Variants in CBARP observed in about 807,000 individuals in gnomAD.
CBARP encodes voltage-dependent calcium channel beta subunit-associated regulatory protein.
A neutral mutation model predicts 36.3 loss-of-function variants in CBARP; 24 were observed. The observed-to-expected ratio is 0.66, with a 90% CI of 0.48 to 0.93. The LOEUF is 0.93. Among genes scored for constraint, CBARP ranks in the 40% least tolerant of loss-of-function variants. The pLI is 0.00. For missense variants in CBARP, 1,146 were observed against 980.4 expected, an observed-to-expected ratio of 1.17 and a Z score of -2.26; for synonymous variants, 586 against 453.2, an observed-to-expected ratio of 1.29 and a Z score of -3.72.
At chr19:1,236,815 A>G (rs1283045170) in intron 1 of CBARP, among the ~76,000 whole-genome samples, 1 of 69,108 alleles carries the variant, frequency 1.4e-5, no homozygotes, top group Admixed American at 2.0e-4. Context: ...GCGGGTTGCC[A>G]GGGAGCGGCG....
At position 1,228,883 on chromosome 19, in the gene CBARP, C is replaced by T. The variant is rs2080852223; in HGVS notation, c.*296G>A. On this transcript the variant is annotated 3_prime_UTR_variant, in exon 10 of 10. Transcript: ENST00000650044. ...TCCTCAGGAGCCCGAAGCTGAGAGC[C>T]GTTCACGCCCCTTCCTTCCCGCCCA... is the stretch of plus-strand genomic sequence containing the variant. 2.0e-5 allele frequency: 3 copies of T among 147,770 alleles called. No homozygotes were observed. Among genetic ancestry groups the T allele is most frequent in the Admixed American group, 1.3e-4 (2 of 14,874 alleles). 9.2% of individuals were successfully genotyped at this position (147,770 alleles called of 1,614,324 possible). A position where few individuals can be genotyped will look rare whatever the true frequency, so the allele number is the denominator to read the frequency against.
rs774067812 is a variant in CBARP at position 1,229,255 on chromosome 19, C to T, written c.2042G>A (p.Arg681His). 49 of 1,244,174 alleles carry T rather than the reference C, an allele frequency of 3.9e-5. No homozygotes were observed. The highest frequency in any genetic ancestry group is 2.3e-4 in the Middle Eastern group (1 of 4,374). 77.1% of individuals were successfully genotyped at this position (1,244,174 alleles called of 1,614,324 possible). A position where few individuals can be genotyped will look rare whatever the true frequency, so the allele number is the denominator to read the frequency against. Residue 681 changes from arginine to histidine, a missense_variant, in exon 10 of 10, where the codon CGC becomes CAC. Coordinates refer to ENST00000650044, the MANE Select transcript of CBARP (RefSeq NM_001393918.1). This position sits in a 1 kb window ranked among gnomAD's most constrained non-coding sequence, Gnocchi z 5.1. Reference sequence around the variant, plus strand: ...AGTCGCCACGACGGGCTCGGCGAGGCGCGGCGGAAAGAGTCTCTCGTCGAG... The same window carrying T: ...AGTCGCCACGACGGGCTCGGCGAGGTGCGGCGGAAAGAGTCTCTCGTCGAG... ...AGLDERLFPP[R>H]LAEPVVATPA...
chr19:1,230,588 C>T (rs1050515353), intron 9 of CBARP: 117 of 1,173,632 alleles, frequency 1.0e-4, no homozygotes, highest in Admixed American at 1.7e-4. Context: ...GTGAGGGTCA[C>T]CCGCCATACC....
At chr19:1,230,516 C>T (rs1211510201) in intron 9 of CBARP, 1 of 1,025,080 alleles carries the variant, frequency 9.8e-7, no homozygotes, top group East Asian at 8.5e-5. Flanking sequence ...TCAGCCCCTG[C>T]TCCAGGCTAG....
At chr19:1,236,955 C>T (rs1483192510) in intron 1 of CBARP, among the ~76,000 whole-genome samples, 1 of 151,836 alleles carries the variant, frequency 6.6e-6, no homozygotes, top group African/African-American at 2.4e-5. Context: ...CCCCGGCCGC[C>T]TTACGCTCGG....
intron 5 of CBARP, 111 bp from the exon 6 acceptor site, chr19:1,234,853 G>T: frequency 6.6e-7 from 1 of 1,510,410 alleles, no homozygotes; most frequent in Non-Finnish European, 8.9e-7. Flanking sequence ...CGAAAGGGGG[G>T]CAACTGGCCA....
chr19:1,234,842 G>A, intron 5 of CBARP, 100 bp from the exon 6 acceptor site: 53 of 1,518,986 alleles, frequency 3.5e-5, no homozygotes, highest in Non-Finnish European at 4.7e-5. Context: ...GCAGGGGCAG[G>A]CGAAAGGGGG....
intron 4 of CBARP, 156 bp from the exon 5 acceptor site, chr19:1,235,301 C>A (rs1315327610): frequency 9.5e-7 from 1 of 1,054,466 alleles, no homozygotes; most frequent in Non-Finnish European, 1.3e-6. Flanking sequence ...TCCATCCGCT[C>A]ACACACTCAC....
Position 1,229,501 on chromosome 19 carries a change from G to A in CBARP, c.1796C>T (p.Ala599Val). 1 of 979,108 alleles carries A rather than the reference G, an allele frequency of 1.0e-6. No homozygotes were observed. Among genetic ancestry groups the A allele is most frequent in the Non-Finnish European group, 1.2e-6 (1 of 827,688 alleles). The allele number at this position is 979,108 out of a possible 1,614,324, so 60.7% of individuals were successfully genotyped here. A position where few individuals can be genotyped will look rare whatever the true frequency, so the allele number is the denominator to read the frequency against. ...GCCGGCAGGCGGTGCCGGGGTTCCG[G>A]CCAGGGCCGGGGCCGCGCGGGCGCC... ...DPGARAAPALAGTPAPPAGAA... is the reference protein window; with the variant it reads ...DPGARAAPALVGTPAPPAGAA... The change falls in exon 10 of 10, where the codon GCC becomes GTC. Residue 599 changes from alanine to valine, a missense_variant. Transcript: ENST00000650044. The surrounding 1 kb of genome is among the most constrained non-coding windows in gnomAD (Gnocchi z 5.1).
intron 1 of CBARP, 149 bp from the exon 2 acceptor site, chr19:1,236,270 C>T (rs1355135056): frequency 8.5e-7 from 1 of 1,174,888 alleles, no homozygotes. Flanking sequence ...GCAGCCTCCA[C>T]CCGGCTTGGC....
At position 1,235,816 on chromosome 19, in the gene CBARP, A is replaced by G. The variant is rs755784672; in HGVS notation, c.208T>C (p.Cys70Arg). 4 of 1,610,080 alleles carry G rather than the reference A, an allele frequency of 2.5e-6. No individual in the cohort carries two copies. The highest frequency in any genetic ancestry group is 3.4e-6 in the Non-Finnish European group (4 of 1,179,924). ...TGGTGGACGTCCCAGCAGCGCTTGCAGAGGAGCAGGACGCCAGACAACACC... is the reference window on the plus strand; with the variant it reads ...TGGTGGACGTCCCAGCAGCGCTTGCGGAGGAGCAGGACGCCAGACAACACC... ...LVVLSGVLLLCKRCWDVHQRL... is the reference protein window; with the variant it reads ...LVVLSGVLLLRKRCWDVHQRL... The change falls in exon 3 of 10, where the codon TGC becomes CGC. Residue 70 changes from cysteine (C) to arginine (R), a missense_variant. By Grantham distance (180) the Cys-to-Arg change is radical. Transcript: ENST00000650044.
rs1167202889 is a variant in CBARP at position 1,235,522 on chromosome 19, T to C, written c.289A>G (p.Asn97Asp). 3.7e-6 allele frequency: 6 copies of C among 1,603,482 alleles called. No homozygotes were observed. Among genetic ancestry groups the C allele is most frequent in the African/African-American group, 1.3e-5 (1 of 74,686 alleles). ...TCACCTTGGGCTGGGTGGGTGCCGT[T>C]GTCCAGGTAGGTGGTGGTGGTCTTC... is the stretch of plus-strand genomic sequence containing the variant. ...AEKTTTTYLD[N>D]GTHPAQDPDF... Residue 97 changes from asparagine (N) to aspartate (D), a missense_variant, in exon 4 of 10, where the codon AAC (asparagine) becomes GAC (aspartate). Transcript: ENST00000650044.
Position 1,229,720 on chromosome 19 carries a change from G to A in CBARP, c.1577C>T (p.Pro526Leu). The change falls in exon 10 of 10, where the codon CCC becomes CTC. Residue 526 changes from proline to leucine, a missense_variant. By Grantham distance (98) the Pro-to-Leu change is moderately conservative (BLOSUM62 -3). Coordinates refer to ENST00000650044, the MANE Select transcript of CBARP (RefSeq NM_001393918.1). This position sits in a 1 kb window ranked among gnomAD's most constrained non-coding sequence, Gnocchi z 5.1. Reference sequence around the variant, plus strand: ...GCGGGGCCAGGCGCGCGGGCTGCGGGGCCGGGCGGGCGCGGCAGGTGGCTC... The same window carrying A: ...GCGGGGCCAGGCGCGCGGGCTGCGGAGCCGGGCGGGCGCGGCAGGTGGCTC... Reference protein sequence around the residue: ...DTEPPAAPARPRSPRAWPRRP... With the variant: ...DTEPPAAPARLRSPRAWPRRP... 1.0e-6 allele frequency: 1 copy of A among 984,166 alleles called. No individual in the cohort carries two copies. Among genetic ancestry groups the A allele is most frequent in the South Asian group, 4.2e-5 (1 of 23,744 alleles). The allele number at this position is 984,166 out of a possible 1,614,324, so 61.0% of individuals were successfully genotyped here.
chr19:1,234,238 C>A lies in CBARP; in HGVS notation c.721G>T (p.Ala241Ser). 1.3e-6 allele frequency: 2 copies of A among 1,502,386 alleles called. No individual in the cohort carries two copies. The highest frequency in any genetic ancestry group is 1.8e-6 in the Non-Finnish European group (2 of 1,127,988). 93.1% of individuals were successfully genotyped at this position (1,502,386 alleles called of 1,614,324 possible). The change falls in exon 7 of 10, where the codon GCA becomes TCA. Residue 241 changes from alanine (A) to serine (S), a missense_variant. Transcript: ENST00000650044. ...YNSAAGATDF[A>S]EISPSASSDS... ...CTAGATGCCGAGGGGCTGATCTCTG[C>A]GAAGTCAGTGGCGCCCGCGGCTGAG... is the stretch of plus-strand genomic sequence containing the variant.
intron 8 of CBARP, among the ~76,000 whole-genome samples, chr19:1,231,601 G>GC (rs36106304): frequency 3.4e-3 from 294 of 87,732 alleles, no homozygotes; most frequent in South Asian, 8.8e-3. Context: ...CCATGCCTGT[G>GC]CCCCCCCCAC....
intron 5 of CBARP, 49 bp from the exon 6 acceptor site, chr19:1,234,791 G>A: frequency 2.5e-6 from 4 of 1,577,734 alleles, no homozygotes; most frequent in Non-Finnish European, 2.6e-6. Flanking sequence ...CATGCCCGAT[G>A]CCCCAGCTGC....
At chr19:1,231,052 G>A (rs529073514) in intron 9 of CBARP, 49 bp downstream of exon 9, 27 of 1,565,252 alleles carry the variant, frequency 1.7e-5, no homozygotes, top group Non-Finnish European at 2.1e-5. Context: ...GCGAAGGGGG[G>A]CAAGGGCCCA....
At chr19:1,234,066 G>A (rs1045615544) in intron 7 of CBARP, 125 bp downstream of exon 7, 12 of 1,167,108 alleles carry the variant, frequency 1.0e-5, no homozygotes, top group Admixed American at 3.6e-5. Flanking sequence ...GCAATGACCC[G>A]GCGGGCCAAG....
chr19:1,228,417 C>T lies in CBARP; in HGVS notation c.*762G>A, dbSNP rs2080845449. The stretch of plus-strand genomic sequence containing the variant: ...CGCCCAAATTTGGCAATAAATAAAG[C>T]TTGGGAAGCTTGGACCTGGCCGTCT... On this transcript the variant is annotated 3_prime_UTR_variant, in exon 10 of 10. Transcript: ENST00000650044. The T allele has an allele frequency of 9.5e-6, 2 of 211,336 alleles. No homozygotes were observed. Among genetic ancestry groups the T allele is most frequent in the East Asian group, 1.3e-4 (2 of 15,710 alleles). The allele number at this position is 211,336 out of a possible 1,614,324, so 13.1% of individuals were successfully genotyped here. A position where few individuals can be genotyped will look rare whatever the true frequency, so the allele number is the denominator to read the frequency against.
Sources: gnomAD v4.1 joint callset for allele counts (sites outside exome capture counted in the v4.1 genomes callset) on GRCh38, gnomAD v4.1.1 for gene constraint, Gnocchi (gnomAD v3.1) non-coding constraint, MANE v1.5 for transcripts, NCBI Gene and HGNC (gene_info 2026-07-23, HGNC 2026-07-21) for gene names.